NALF1: variants seen among roughly 807,000 people sequenced by gnomAD.
NALF1 encodes the protein NALCN channel auxiliary factor 1.
A neutral mutation model predicts 48.4 loss-of-function variants in NALF1; 3 were observed. The ratio of observed to expected loss-of-function variants is 0.06; its 90% CI spans 0.03 to 0.16. NALF1 has a LOEUF of 0.16. Among genes scored for constraint, NALF1 ranks in the 10% least tolerant of loss-of-function variants. NALF1 has a pLI of 1.00. For missense variants in NALF1, 526 were observed against 571.5 expected (o/e 0.92, Z 0.81); for synonymous variants, 262 against 245.7 (o/e 1.07, Z -0.62).
At chr13:107,465,800 C>G (rs1034704883) in intron 1 of NALF1, among the ~76,000 whole-genome samples, 7 of 152,176 alleles carry the variant, frequency 4.6e-5, no homozygotes, top group Admixed American at 1.3e-4. Context: ...GATTTTGCAT[C>G]TGGTGAAAGC....
intron 1 of NALF1, among the ~76,000 whole-genome samples, chr13:107,556,350 TAGAGAG>T (rs778915739): frequency 9.5e-5 from 14 of 146,812 alleles, no homozygotes; most frequent in South Asian, 2.2e-4. Context: ...TATATATATA[TAGAGAG>T]AGAGAGAGAG....
chr13:107,562,281 C>T (rs1877669352), intron 1 of NALF1, among the ~76,000 whole-genome samples: 1 of 152,168 alleles, frequency 6.6e-6, no homozygotes. Context: ...TTGAATGAGT[C>T]TTATGCTAGC....
intron 1 of NALF1, among the ~76,000 whole-genome samples, chr13:107,213,942 T>C (rs1174957640): frequency 6.6e-6 from 1 of 151,866 alleles, no homozygotes; most frequent in Non-Finnish European, 1.5e-5. Flanking sequence ...ATTTAAACAA[T>C]AAATTGTGGA....
intron 1 of NALF1, among the ~76,000 whole-genome samples, chr13:107,489,717 A>C (rs553650084): frequency 6.6e-6 from 1 of 152,322 alleles, no homozygotes; most frequent in African/African-American, 2.4e-5. Context: ...ATGGGCAAAG[A>C]TTTAATGATG....
intron 1 of NALF1, among the ~76,000 whole-genome samples, chr13:107,411,932 C>A (rs920390911): frequency 2.6e-5 from 4 of 152,122 alleles, no homozygotes; most frequent in African/African-American, 7.2e-5. Context: ...GAGGTGGCAG[C>A]AAGGTGTGGC....
At chr13:107,791,286 TA>T (rs1206979567) in intron 1 of NALF1, among the ~76,000 whole-genome samples, 1 of 152,156 alleles carries the variant, frequency 6.6e-6, no homozygotes, top group African/African-American at 2.4e-5. Context: ...ACAGCAAAAT[TA>T]AAAGTATCAT....
chr13:107,851,940 C>T (rs901164566), intron 1 of NALF1, among the ~76,000 whole-genome samples: 2 of 150,758 alleles, frequency 1.3e-5, no homozygotes, highest in African/African-American at 4.9e-5. Context: ...CCCCATGTAG[C>T]TTGGACTCAG....
intron 1 of NALF1, among the ~76,000 whole-genome samples, chr13:107,325,931 A>T: frequency 6.9e-6 from 1 of 144,656 alleles, no homozygotes; most frequent in East Asian, 2.0e-4. Context: ...TCACACATAT[A>T]TACAACACAC....
chr13:107,396,405 A>G (rs1012605570), intron 1 of NALF1, among the ~76,000 whole-genome samples: 4 of 152,186 alleles, frequency 2.6e-5, no homozygotes, highest in African/African-American at 4.8e-5. Context: ...CATTCAGGGA[A>G]GTGCCCCTGT....
intron 1 of NALF1, among the ~76,000 whole-genome samples, chr13:107,290,922 A>G (rs1363836744): frequency 6.6e-6 from 1 of 152,100 alleles, no homozygotes; most frequent in African/African-American, 2.4e-5. Flanking sequence ...CTTAACTGAC[A>G]GATTTGGAAA....
At chr13:107,366,392 G>C (rs1883152244) in intron 1 of NALF1, among the ~76,000 whole-genome samples, 1 of 152,114 alleles carries the variant, frequency 6.6e-6, no homozygotes, top group South Asian at 2.1e-4. Context: ...TTTAGCCTCT[G>C]CTGTCTATGA....
chr13:107,748,530 T>C (rs1478920654), intron 1 of NALF1, among the ~76,000 whole-genome samples: 2 of 152,230 alleles, frequency 1.3e-5, no homozygotes, highest in Non-Finnish European at 2.9e-5. Flanking sequence ...GTGTGCCTAT[T>C]ACTGACGAAT....
rs186865772 is a variant in NALF1 at position 107,587,963 on chromosome 13, A to G, written c.915+277719T>C. On this transcript the variant is annotated intron_variant, in intron 1 of 2. Coordinates refer to ENST00000375915, the MANE Select transcript of NALF1 (RefSeq NM_001080396.3). ...TAAAATGTACTGAACAAATGTGTGC[A>G]TGGAAGAATGAACGACTGGCCAGCT... Among the ~76,000 whole-genome samples, 24 of 152,194 alleles carry G rather than the reference A, an allele frequency of 1.6e-4. 1 individual carries two copies. Among genetic ancestry groups the G allele is most frequent in the African/African-American group, 5.8e-4 (24 of 41,552 alleles).
At chr13:107,354,450 G>A (rs535545751) in intron 1 of NALF1, among the ~76,000 whole-genome samples, 1 of 152,256 alleles carries the variant, frequency 6.6e-6, no homozygotes, top group Non-Finnish European at 1.5e-5. Flanking sequence ...GGCAGCAAGA[G>A]AGAAAGAGAA....
At position 107,782,298 on chromosome 13, in the gene NALF1, G is replaced by C. The variant is rs142191327; in HGVS notation, c.915+83384C>G. ...TCCAGCTCCTTACCGCGAGTGATCC[G>C]CCAGCCTCGGCCTCCGGAGGTGCCA... On this transcript the variant is annotated intron_variant, in intron 1 of 2. Coordinates refer to ENST00000375915, the MANE Select transcript of NALF1 (RefSeq NM_001080396.3). 1.2e-3 allele frequency among the ~76,000 whole-genome samples: 184 copies of C among 152,302 alleles called. 1 individual carries two copies. The highest frequency in any genetic ancestry group is 4.3e-3 in the African/African-American group (177 of 41,570).
At chr13:107,610,494 A>C (rs1200428551) in intron 1 of NALF1, among the ~76,000 whole-genome samples, 1 of 152,208 alleles carries the variant, frequency 6.6e-6, no homozygotes, top group African/African-American at 2.4e-5. Context: ...TCATTTATAA[A>C]CTTTAAATAG....
intron 1 of NALF1, among the ~76,000 whole-genome samples, chr13:107,652,738 A>G (rs944743790): frequency 2.0e-5 from 3 of 152,182 alleles, no homozygotes; most frequent in African/African-American, 7.2e-5. Context: ...GGCTGTTTCA[A>G]CTGCAACATT....
intron 1 of NALF1, among the ~76,000 whole-genome samples, chr13:107,312,135 C>A (rs192695425): frequency 6.6e-6 from 1 of 152,018 alleles, no homozygotes; most frequent in Non-Finnish European, 1.5e-5. Context: ...ATGTTTATTG[C>A]GGCACTATTC....
chr13:107,328,306 ACACACAC>A (rs905073487), intron 1 of NALF1, among the ~76,000 whole-genome samples: 1 of 141,538 alleles, frequency 7.1e-6, no homozygotes, highest in African/African-American at 2.5e-5. Flanking sequence ...ACACACACAC[ACACACAC>A]ACTTTTGTTT....
Sources: gnomAD v4.1 joint callset for allele counts (sites outside exome capture counted in the v4.1 genomes callset) on GRCh38, gnomAD v4.1.1 for gene constraint, MANE v1.5 for transcripts, NCBI Gene and HGNC (gene_info 2026-07-23, HGNC 2026-07-21) for gene names.